The following PGBD5 variants were observed in gnomAD, a reference collection of about 807,000 sequenced individuals.
PGBD5 encodes piggyBac transposable element-derived protein 5.
A neutral mutation model predicts 47.9 loss-of-function variants in PGBD5; 14 were observed. The ratio of observed to expected loss-of-function variants is 0.29; its 90% confidence interval spans 0.19 to 0.46. PGBD5 has a LOEUF of 0.46. PGBD5 is among the 20% of genes least tolerant of loss of function. The pLI, the probability that PGBD5 is intolerant of heterozygous loss-of-function variation, is 1.00. For synonymous variants in PGBD5, 316 were observed against 306.3 expected, an observed-to-expected ratio of 1.03 and a Z score of -0.33; for missense variants, 635 against 716.0, an observed-to-expected ratio of 0.89 and a Z score of 1.29.
chr1:230,375,514 TC>T (rs1165225365), intron 1 of PGBD5, among the ~76,000 whole-genome samples: 1 of 152,214 alleles, frequency 6.6e-6, no homozygotes, highest in African/African-American at 2.4e-5. Context: ...AGCTGAAATT[TC>T]TGTTGGACTG....
chr1:230,391,355 C>T (rs1656782390), intron 1 of PGBD5, among the ~76,000 whole-genome samples: 1 of 152,184 alleles, frequency 6.6e-6, no homozygotes, highest in Admixed American at 6.5e-5. Flanking sequence ...CGATTTTGCC[C>T]CCTCATTTTC....
At chr1:230,344,508 C>T (rs897378053) in intron 3 of PGBD5, among the ~76,000 whole-genome samples, 1 of 152,174 alleles carries the variant, frequency 6.6e-6, no homozygotes, top group African/African-American at 2.4e-5. Flanking sequence ...GCCCACAACA[C>T]ACACTCTGTA....
At chr1:230,380,063 C>T (rs922047943) in intron 1 of PGBD5, among the ~76,000 whole-genome samples, 2 of 152,180 alleles carry the variant, frequency 1.3e-5, no homozygotes, top group African/African-American at 4.8e-5. Flanking sequence ...AGAGCAGGGG[C>T]CGTGTGCTAT....
chr1:230,393,222 G>C (rs1269078533), intron 1 of PGBD5, among the ~76,000 whole-genome samples: 2 of 146,246 alleles, frequency 1.4e-5, no homozygotes, highest in Non-Finnish European at 3.0e-5. Flanking sequence ...CAAGGGAAAG[G>C]AGGAGAGGAG....
At chr1:230,331,962 C>G (rs1667223805) in intron 5 of PGBD5, among the ~76,000 whole-genome samples, 1 of 147,834 alleles carries the variant, frequency 6.8e-6, no homozygotes, top group Admixed American at 6.8e-5. Context: ...TGGGAATAAA[C>G]TAGCAACATA....
At chr1:230,398,072 A>C (rs1383838338) in intron 1 of PGBD5, among the ~76,000 whole-genome samples, 1 of 152,180 alleles carries the variant, frequency 6.6e-6, no homozygotes, top group African/African-American at 2.4e-5. Flanking sequence ...AGGACCCTGA[A>C]ACAGTCCCAG....
chr1:230,338,577 T>C (rs776800365), intron 3 of PGBD5, among the ~76,000 whole-genome samples: 18 of 152,072 alleles, frequency 1.2e-4, no homozygotes, highest in Non-Finnish European at 2.4e-4. Flanking sequence ...AGGTGAGTGA[T>C]TACCTGAGGT....
At chr1:230,326,385 T>C (rs1386094213) in intron 5 of PGBD5, among the ~76,000 whole-genome samples, 6 of 152,188 alleles carry the variant, frequency 3.9e-5, no homozygotes, top group Non-Finnish European at 7.4e-5. Context: ...TGCCATTGTA[T>C]TCCAGCCTGG....
Position 230,332,921 on chromosome 1 carries a change from C to T in PGBD5, c.1196G>A (p.Gly399Glu). 6.2e-7 allele frequency: 1 copy of T among 1,614,202 alleles called. No homozygotes were observed. ...ARGQYQIKMK[G>E]NMSLICWYNK... ...GTACCAGCAGATCAAGGACATGTTC[C>T]CCTTCATCTTGATTTGGTACTGGCC... Residue 399 changes from glycine to glutamate, a missense_variant, in exon 5 of 7, where the codon GGG (glycine) becomes GAG (glutamate). By Grantham distance (98) the Gly-to-Glu change is moderately conservative. Transcript: ENST00000391860.
At chr1:230,399,600 T>A (rs1460199596) in intron 1 of PGBD5, among the ~76,000 whole-genome samples, 5 of 152,128 alleles carry the variant, frequency 3.3e-5, no homozygotes, top group African/African-American at 4.8e-5. Context: ...AGCCTTCTGG[T>A]CTGGTCCTCT....
rs71654319 is a variant in PGBD5, at chr1:230,315,603, T to C, written c.*7822A>G. ...TTAGTTGTAGAATGGGGGCCAGGAC[T>C]GGACATGTGGTTTGATTGCTAAGGA... On this transcript the variant is annotated 3_prime_UTR_variant, in exon 7 of 7. Transcript: ENST00000391860. 44,827 of 151,518 alleles carry C rather than the reference T, an allele frequency of 0.3. 7,036 individuals are homozygous for C. The highest frequency in any genetic ancestry group is 0.5 in the East Asian group (2,528 of 5,076). 9.4% of individuals were successfully genotyped at this position (151,518 alleles called of 1,614,324 possible).
chr1:230,423,520 T>C (rs563973908), intron 1 of PGBD5, among the ~76,000 whole-genome samples: 2 of 152,318 alleles, frequency 1.3e-5, no homozygotes, highest in East Asian at 3.9e-4. Context: ...CCCTCCACAC[T>C]GGTAGGCGCA....
intron 2 of PGBD5, among the ~76,000 whole-genome samples, chr1:230,355,502 T>C (rs1422827905): frequency 6.6e-6 from 1 of 152,242 alleles, no homozygotes; most frequent in East Asian, 1.9e-4. Context: ...TCTCATTTGC[T>C]TCATTTTCAA....
At chr1:230,346,155 G>A (rs1381326590) in intron 3 of PGBD5, among the ~76,000 whole-genome samples, 5 of 152,064 alleles carry the variant, frequency 3.3e-5, no homozygotes, top group South Asian at 2.1e-4. Context: ...GAACCTTCCC[G>A]CCTCAGCCAC....
intron 1 of PGBD5, among the ~76,000 whole-genome samples, chr1:230,384,034 C>G (rs978344436): frequency 6.6e-6 from 1 of 152,150 alleles, no homozygotes; most frequent in Admixed American, 6.5e-5. Flanking sequence ...CGTCCAAGCA[C>G]AGTTGAAAAG....
rs1657775446 is a variant in PGBD5, at chr1:230,425,991, T to G, written c.-63A>C. 3 of 788,568 alleles carry G rather than the reference T, an allele frequency of 3.8e-6. No individual in the cohort carries two copies. Among genetic ancestry groups the G allele is most frequent in the Admixed American group, 6.8e-5 (1 of 14,632 alleles). The allele number at this position is 788,568 out of a possible 1,614,324, so 48.8% of individuals were successfully genotyped here. A position where few individuals can be genotyped will look rare whatever the true frequency, so the allele number is the denominator to read the frequency against. Reference sequence around the variant, plus strand: ...CCTCCCAGCCGCACACGCCGGGCCCTGGGCCCGCGCCGCGGCCCGCCGCCC... The same window carrying G: ...CCTCCCAGCCGCACACGCCGGGCCCGGGGCCCGCGCCGCGGCCCGCCGCCC... On this transcript the variant is annotated 5_prime_UTR_variant, in exon 1 of 7. Transcript: ENST00000391860. The surrounding 1 kb of genome is among the most constrained non-coding windows in gnomAD (Gnocchi z 4.7).
intron 1 of PGBD5, among the ~76,000 whole-genome samples, chr1:230,391,104 T>C (rs1656772147): frequency 1.4e-5 from 2 of 143,428 alleles, no homozygotes; most frequent in Admixed American, 1.4e-4. Flanking sequence ...GCTCAGTCCA[T>C]CAGGAAAGCA....
At position 230,400,963 on chromosome 1, in the gene PGBD5, G is replaced by T. The variant is rs1449877808; in HGVS notation, c.331+24635C>A. 2.6e-5 allele frequency among the ~76,000 whole-genome samples: 4 copies of T among 152,304 alleles called. No homozygotes were observed. In the South Asian group the frequency reaches 8.3e-4, roughly 32 times the overall value. ...CTCAGAGAACACATAACTACAAACA[G>T]GTCAGAATTCTGACCTAGATACTAA... On this transcript the variant is annotated intron_variant, in intron 1 of 6. Transcript: ENST00000391860.
Position 230,332,792 on chromosome 1 carries a change from G to C in PGBD5, c.1273+52C>G, listed in dbSNP as rs966325497. The C allele has an allele frequency of 2.5e-6, 4 of 1,605,254 alleles. No individual in the cohort carries two copies. The African/African-American group carries it at 4.0e-5, about 16-fold the overall frequency. On this transcript the variant is annotated intron_variant, in intron 5 of 6. Transcript: ENST00000391860. ...CCACCGCAGCGGTGGGCTCGGCCAA[G>C]CTCAACCAATCCCCGCGCGCCCCAC...
Sources: gnomAD v4.1 joint callset for allele counts (sites outside exome capture counted in the v4.1 genomes callset) on GRCh38, gnomAD v4.1.1 for gene constraint, Gnocchi (gnomAD v3.1) non-coding constraint, MANE v1.5 for transcripts, NCBI Gene and HGNC (gene_info 2026-07-23, HGNC 2026-07-21) for gene names.